Variants in ASAP1 observed in about 807,000 individuals in gnomAD.
ASAP1 encodes the protein arf-GAP with SH3 domain, ANK repeat and PH domain-containing protein 1.
Under a neutral mutation model 145.2 loss-of-function variants are expected in ASAP1, and 43 were observed. The ratio of observed to expected loss-of-function variants is 0.30; its 90% CI spans 0.23 to 0.38. The LOEUF is 0.38. ASAP1 is among the 10% of genes least tolerant of loss of function. ASAP1 has a pLI of 1.00. For synonymous variants in ASAP1, 546 were observed against 515.5 expected (o/e 1.06, Z -0.80); for missense variants, 1,018 against 1,355.3 (o/e 0.75, Z 3.91).
At chr8:130,419,781 C>T (rs1829639610) in intron 1 of ASAP1, among the ~76,000 whole-genome samples, 1 of 152,114 alleles carries the variant, frequency 6.6e-6, no homozygotes, top group African/African-American at 2.4e-5. Context: ...TGTGAAACGG[C>T]TGCTGGCCTC....
chr8:130,149,256 G>A (rs1170301394), intron 13 of ASAP1, among the ~76,000 whole-genome samples: 1 of 148,816 alleles, frequency 6.7e-6, no homozygotes, highest in East Asian at 2.0e-4. Context: ...TCCATAGTTG[G>A]AAGCTGCTAT....
At chr8:130,214,303 C>T (rs1816758031) in intron 5 of ASAP1, among the ~76,000 whole-genome samples, 1 of 152,124 alleles carries the variant, frequency 6.6e-6, no homozygotes, top group African/African-American at 2.4e-5. Flanking sequence ...TTCGATAAAT[C>T]TACTCTATCA....
At chr8:130,390,368 C>T (rs371617321) in intron 2 of ASAP1, among the ~76,000 whole-genome samples, 2 of 152,312 alleles carry the variant, frequency 1.3e-5, no homozygotes, top group African/African-American at 4.8e-5. Context: ...TCCCTTCCAG[C>T]CTAAACAATC....
rs182222227 is a variant in ASAP1 at position 130,148,718 on chromosome 8, T to C, written c.1080+4018A>G. ...TTCTTATACTTTCTGTTGTAATTTG[T>C]TTTATGATATTTATTTATACTACAA... On this transcript the variant is annotated intron_variant, in intron 13 of 29. Transcript: ENST00000518721. Among the ~76,000 whole-genome samples the C allele has an allele frequency of 9.2e-5, 14 of 152,370 alleles. No individual in the cohort carries two copies. In the East Asian group the frequency reaches 2.3e-3, roughly 25 times the overall value.
chr8:130,180,423 A>G (rs1814275236), intron 8 of ASAP1, among the ~76,000 whole-genome samples: 1 of 152,328 alleles, frequency 6.6e-6, no homozygotes, highest in East Asian at 1.9e-4. Flanking sequence ...TGCTCTAAAC[A>G]TACACCAATA....
At chr8:130,128,139 ATTTT>A (rs745416119) in intron 15 of ASAP1, 49 bp from the exon 16 acceptor site, 4,609 of 177,922 alleles carry the variant, frequency 0.026, no homozygotes, top group East Asian at 0.053. Context: ...GAGCATGGTC[ATTTT>A]TTTTTTTTTT....
intron 15 of ASAP1, among the ~76,000 whole-genome samples, chr8:130,133,553 G>A (rs1043462765): frequency 2.8e-4 from 43 of 152,130 alleles, no homozygotes; most frequent in Admixed American, 5.2e-4. Flanking sequence ...CTACTCGGGA[G>A]GCTGAGGCAG....
intron 1 of ASAP1, among the ~76,000 whole-genome samples, chr8:130,436,357 C>T (rs1390083473): frequency 2.6e-5 from 4 of 152,172 alleles, no homozygotes; most frequent in African/African-American, 9.6e-5. Context: ...TGCAGTGGCA[C>T]AATCTTGGTT....
intron 7 of ASAP1, among the ~76,000 whole-genome samples, chr8:130,182,929 A>C (rs1814466214): frequency 6.6e-6 from 1 of 151,720 alleles, no homozygotes; most frequent in Non-Finnish European, 1.5e-5. Flanking sequence ...TGGGGAAAAA[A>C]CACTGAAAAA....
At chr8:130,392,006 G>A (rs1371848205) in intron 2 of ASAP1, among the ~76,000 whole-genome samples, 2 of 152,216 alleles carry the variant, frequency 1.3e-5, no homozygotes, top group Non-Finnish European at 2.9e-5. Context: ...CCAGACCTGG[G>A]AGCGCCTAAT....
intron 15 of ASAP1, among the ~76,000 whole-genome samples, chr8:130,133,203 C>T (rs1356468457): frequency 6.6e-6 from 1 of 152,058 alleles, no homozygotes; most frequent in East Asian, 1.9e-4. Context: ...ATCCCTCTCC[C>T]AAGCAGCTGA....
At chr8:130,275,949 A>C (rs1428809893) in intron 3 of ASAP1, among the ~76,000 whole-genome samples, 1 of 152,226 alleles carries the variant, frequency 6.6e-6, no homozygotes, top group Non-Finnish European at 1.5e-5. Context: ...AAGTAAAGGT[A>C]CTGATAATGA....
intron 2 of ASAP1, among the ~76,000 whole-genome samples, chr8:130,369,985 T>C (rs1244210336): frequency 6.6e-6 from 1 of 152,110 alleles, no homozygotes; most frequent in Non-Finnish European, 1.5e-5. Context: ...GGAGCCCTCA[T>C]GAATGGGAAC....
chr8:130,435,271 C>T (rs1830274044), intron 1 of ASAP1, among the ~76,000 whole-genome samples: 1 of 152,206 alleles, frequency 6.6e-6, no homozygotes. Flanking sequence ...AGTCTCAATT[C>T]AGTGATATTC....
chr8:130,166,272 A>G (rs895869162), intron 11 of ASAP1, among the ~76,000 whole-genome samples: 6 of 152,122 alleles, frequency 3.9e-5, no homozygotes, highest in Admixed American at 2.6e-4. Context: ...GCCTCCCAAA[A>G]TGTTTGGATT....
At chr8:130,228,813 A>T (rs543071772) in intron 4 of ASAP1, among the ~76,000 whole-genome samples, 81 of 151,454 alleles carry the variant, frequency 5.3e-4, no homozygotes, top group African/African-American at 1.7e-3. Flanking sequence ...AGTGGCTATT[A>T]TTTTTTTTTC....
chr8:130,179,097 C>A, intron 9 of ASAP1, 167 bp downstream of exon 9: 1 of 490,620 alleles, frequency 2.0e-6, no homozygotes, highest in African/African-American at 2.0e-5. Context: ...TTGTATAAAA[C>A]ACTGAAGATG....
intron 3 of ASAP1, among the ~76,000 whole-genome samples, chr8:130,278,864 T>TA (rs1821084744): frequency 6.6e-6 from 1 of 152,188 alleles, no homozygotes; most frequent in Non-Finnish European, 1.5e-5. Context: ...CTCTTACTTT[T>TA]AAGTCTTTTC....
At chr8:130,361,837 C>T in intron 2 of ASAP1, 3 of 1,111,930 alleles carry the variant, frequency 2.7e-6, no homozygotes, top group East Asian at 5.2e-5. Flanking sequence ...TGGAGCTGCC[C>T]CGAAATATAC....
Sources: gnomAD v4.1 joint callset for allele counts (sites outside exome capture counted in the v4.1 genomes callset) on GRCh38, gnomAD v4.1.1 for gene constraint, MANE v1.5 for transcripts, NCBI Gene and HGNC (gene_info 2026-07-23, HGNC 2026-07-21) for gene names.